Variants in MAPK10 observed in about 807,000 individuals in gnomAD.
The protein encoded by MAPK10 is mitogen-activated protein kinase 10.
A neutral mutation model predicts 59.3 loss-of-function variants in MAPK10; 25 were observed. The observed-to-expected ratio is 0.42, with a 90% CI of 0.31 to 0.59. MAPK10 has a LOEUF of 0.59. Ranked by LOEUF, MAPK10 falls within the 20% of genes least tolerant of loss-of-function variation. MAPK10 has a pLI of 0.15. For synonymous variants in MAPK10, 190 were observed against 200.5 expected, an observed-to-expected ratio of 0.95 and a Z score of 0.44; for missense variants, 351 against 568.9, an observed-to-expected ratio of 0.62 and a Z score of 3.90.
chr4:86,241,680 G>T (rs1284311753), intron 2 of MAPK10, among the ~76,000 whole-genome samples: 3 of 151,950 alleles, frequency 2.0e-5, no homozygotes, highest in African/African-American at 7.2e-5. Flanking sequence ...ACTCCATCTG[G>T]TTGTTTATGT....
intron 4 of MAPK10, among the ~76,000 whole-genome samples, chr4:86,117,284 G>A (rs1213141941): frequency 1.1e-4 from 16 of 152,074 alleles, no homozygotes; most frequent in African/African-American, 2.9e-4. Flanking sequence ...ACATATATAC[G>A]CTGTAGCCAT....
At chr4:86,186,028 G>T (rs1405466007) in intron 3 of MAPK10, among the ~76,000 whole-genome samples, 1 of 151,980 alleles carries the variant, frequency 6.6e-6, no homozygotes, top group South Asian at 2.1e-4. Flanking sequence ...TTAAAGCACT[G>T]GGACTCAGTG....
intron 1 of MAPK10, among the ~76,000 whole-genome samples, chr4:86,489,219 T>G (rs1383065819): frequency 6.6e-6 from 1 of 152,150 alleles, no homozygotes; most frequent in Non-Finnish European, 1.5e-5. Context: ...TCCCATACCT[T>G]AATTGTGAGC....
At chr4:86,399,347 G>A (rs1743378560) in intron 1 of MAPK10, among the ~76,000 whole-genome samples, 1 of 152,118 alleles carries the variant, frequency 6.6e-6, no homozygotes, top group Non-Finnish European at 1.5e-5. Flanking sequence ...TCATTTCTCT[G>A]ATGACTAATG....
intron 2 of MAPK10, among the ~76,000 whole-genome samples, chr4:86,220,807 CTT>C (rs1455628602): frequency 2.0e-5 from 3 of 152,036 alleles, no homozygotes; most frequent in African/African-American, 7.3e-5. Context: ...GCAAAAGTCT[CTT>C]GTTTATTTTA....
intron 9 of MAPK10, among the ~76,000 whole-genome samples, chr4:86,087,267 C>T (rs1579995170): frequency 6.6e-6 from 1 of 152,136 alleles, no homozygotes; most frequent in Non-Finnish European, 1.5e-5. Context: ...TCATTTTAGT[C>T]ACCAATTATT....
rs1162506350 is a variant in MAPK10 at position 86,304,387 on chromosome 4, C to CTTTTT, written c.-7+50138_-7+50142dup. ...CATTGTGGCTTGTTTTGGAGTATTT[C>CTTTTT]TTTTTTTTTTTTTTTTTTTTTTTGA... On this transcript the variant is annotated intron_variant, in intron 2 of 13. Transcript: ENST00000641462. 3.2e-4 allele frequency among the ~76,000 whole-genome samples: 36 copies of CTTTTT among 112,518 alleles called. 1 individual carries two copies. The highest frequency in any genetic ancestry group is 1.1e-3 in the East Asian group (4 of 3,602). 73.8% of individuals were successfully genotyped at this position (112,518 alleles called of 152,430 possible).
chr4:86,159,635 T>A (rs1385442073), intron 3 of MAPK10, among the ~76,000 whole-genome samples, 168 bp from the exon 4 acceptor site: 1 of 152,002 alleles, frequency 6.6e-6, no homozygotes, highest in Non-Finnish European at 1.5e-5. Flanking sequence ...CAAGATTACC[T>A]CGAGTAAAAG....
At chr4:86,495,116 T>C (rs1368458737) in intron 1 of MAPK10, among the ~76,000 whole-genome samples, 1 of 152,010 alleles carries the variant, frequency 6.6e-6, no homozygotes, top group East Asian at 1.9e-4. Flanking sequence ...CTCCAACAAG[T>C]TTAGGGTATA....
At chr4:86,361,973 C>T (rs151254774), upstream of MAPK10, among the ~76,000 whole-genome samples, 1,354 of 152,122 alleles carry the variant, frequency 8.9e-3, 8 homozygotes, top group Non-Finnish European at 0.013. Context: ...TGTACTATTG[C>T]ACAGCACAGT....
At chr4:86,178,551 G>C (rs2076196690) in intron 3 of MAPK10, among the ~76,000 whole-genome samples, 1 of 151,946 alleles carries the variant, frequency 6.6e-6, no homozygotes, top group African/African-American at 2.4e-5. Flanking sequence ...TGCAACAAAG[G>C]CCATTTATGA....
Position 86,218,568 on chromosome 4 carries a change from CAA to C in MAPK10, c.-6-24163_-6-24162del, listed in dbSNP as rs11330422. Among the ~76,000 whole-genome samples the C allele has an allele frequency of 7.9e-3, 757 of 95,426 alleles. 5 individuals are homozygous for C. The highest frequency in any genetic ancestry group is 0.016 in the African/African-American group (489 of 30,842). 62.6% of individuals were successfully genotyped at this position (95,426 alleles called of 152,430 possible). A position where few individuals can be genotyped will look rare whatever the true frequency, so the allele number is the denominator to read the frequency against. ...TATGGGCATAATAATAAGACTTAAG[CAA>C]AAAAAAAAAAAAAAAAACACTTTGG... On this transcript the variant is annotated intron_variant, in intron 2 of 13. Transcript: ENST00000641462.
intron 2 of MAPK10, among the ~76,000 whole-genome samples, chr4:86,199,195 T>G (rs1461849294): frequency 1.3e-5 from 2 of 152,042 alleles, no homozygotes; most frequent in African/African-American, 4.8e-5. Flanking sequence ...AGAGAAACTC[T>G]TATGTTTTTA....
Position 86,107,247 on chromosome 4 carries a change from G to A in MAPK10, c.342C>T (p.Leu114=), listed in dbSNP as rs55730486. The A allele has an allele frequency of 6.8e-6, 11 of 1,612,878 alleles. No individual in the cohort carries two copies. The highest frequency in any genetic ancestry group is 1.7e-5 in the Admixed American group (1 of 59,910). ...CGTTTTTATGGTTCACACACTTCAT[G>A]AGGACCAGCTCCCGGTACGCTCTCT... ...HAKRAYRELV[L]MKCVNHKNII... is the part of the protein sequence containing the mutation. The change falls in exon 5 of 14, where the codon CTC becomes CTT. Residue 114 remains leucine, a synonymous_variant. Transcript: ENST00000641462.
intron 3 of MAPK10, among the ~76,000 whole-genome samples, chr4:86,176,794 T>A (rs2075783487): frequency 6.6e-6 from 1 of 152,098 alleles, no homozygotes; most frequent in Non-Finnish European, 1.5e-5. Flanking sequence ...GGTAGACCGT[T>A]ATCATGACAG....
intron 4 of MAPK10, among the ~76,000 whole-genome samples, chr4:86,110,989 A>C (rs974292702): frequency 2.6e-5 from 4 of 152,224 alleles, no homozygotes; most frequent in African/African-American, 9.6e-5. Context: ...TCTTTGTAGC[A>C]ATTGTGAATG....
chr4:86,358,291 G>A (rs1735537853), intron 1 of MAPK10: 2 of 985,246 alleles, frequency 2.0e-6, no homozygotes, highest in Non-Finnish European at 2.4e-6. Context: ...AGCATTCTGT[G>A]TTATCTTCCA....
chr4:86,306,809 T>C (rs1324720171), intron 2 of MAPK10, among the ~76,000 whole-genome samples: 1 of 152,206 alleles, frequency 6.6e-6, no homozygotes, highest in Non-Finnish European at 1.5e-5. Flanking sequence ...CTTTGCCCAT[T>C]AGATGAAAAT....
intron 1 of MAPK10, among the ~76,000 whole-genome samples, chr4:86,479,112 T>G (rs1753362796): frequency 6.6e-6 from 1 of 152,056 alleles, no homozygotes; most frequent in African/African-American, 2.4e-5. Context: ...TCCCACAGGA[T>G]CTGAGAAATG....
Sources: gnomAD v4.1 joint callset for allele counts (sites outside exome capture counted in the v4.1 genomes callset) on GRCh38, gnomAD v4.1.1 for gene constraint, MANE v1.5 for transcripts, NCBI Gene and HGNC (gene_info 2026-07-23, HGNC 2026-07-21) for gene names.